Variants in TBC1D5 observed in about 807,000 individuals in gnomAD.
TBC1D5 encodes TBC1 domain family member 5.
Under a neutral mutation model 100.3 loss-of-function variants are expected in TBC1D5, and 75 were observed. The ratio of observed to expected loss-of-function variants is 0.75; its 90% CI spans 0.62 to 0.91. TBC1D5 has a LOEUF of 0.91. Ranked by LOEUF, TBC1D5 falls within the 40% of genes least tolerant of loss-of-function variation. TBC1D5 has a pLI of 0.00. For synonymous variants in TBC1D5, 323 were observed against 325.6 expected, an observed-to-expected ratio of 0.99 and a Z score of 0.09; for missense variants, 910 against 942.4, an observed-to-expected ratio of 0.97 and a Z score of 0.45.
At chr3:17,329,881 A>G (rs1351064321) in intron 13 of TBC1D5, among the ~76,000 whole-genome samples, 1 of 152,204 alleles carries the variant, frequency 6.6e-6, no homozygotes, top group African/African-American at 2.4e-5. Flanking sequence ...TTGATAAAAC[A>G]TAGCATTAAT....
chr3:17,318,344 T>A (rs1486782656), intron 13 of TBC1D5, among the ~76,000 whole-genome samples: 4 of 151,924 alleles, frequency 2.6e-5, no homozygotes, highest in Non-Finnish European at 4.4e-5. Flanking sequence ...AACCTGCACA[T>A]TGTGCACATG....
At chr3:17,258,224 A>C (rs1026184809) in intron 16 of TBC1D5, among the ~76,000 whole-genome samples, 2 of 152,172 alleles carry the variant, frequency 1.3e-5, no homozygotes, top group Non-Finnish European at 2.9e-5. Flanking sequence ...GAGATTATAC[A>C]AGTAGGCACA....
At chr3:17,193,938 A>T (rs1056209231) in intron 18 of TBC1D5, among the ~76,000 whole-genome samples, 6 of 152,238 alleles carry the variant, frequency 3.9e-5, no homozygotes, top group Non-Finnish European at 7.3e-5. Context: ...CTTGCTTTAT[A>T]TGTAGAAAAT....
In TBC1D5 at chr3:17,514,344, T is replaced by A. The variant is rs549312555; in HGVS notation, c.-35-5739A>T. Among the ~76,000 whole-genome samples, 39 of 152,340 alleles carry A rather than the reference T, an allele frequency of 2.6e-4. 1 individual carries two copies. The South Asian group carries it at 6.2e-3, about 24-fold the overall frequency. ...ATAAAAGCATTTGTCTTAATACATG[T>A]CATTCAATATTAAATATCACCCCTT... is the stretch of plus-strand genomic sequence containing the variant. On this transcript the variant is annotated intron_variant, in intron 2 of 21. Coordinates refer to ENST00000253692, the Ensembl canonical transcript of TBC1D5.
chr3:17,329,496 CA>C (rs59179408), intron 13 of TBC1D5, among the ~76,000 whole-genome samples: 1,565 of 150,636 alleles, frequency 0.01, 32 homozygotes, highest in African/African-American at 0.036. Context: ...GGTGGAAACA[CA>C]AAAAAATAAA....
At chr3:17,277,309 T>C (rs2080124444) in intron 15 of TBC1D5, among the ~76,000 whole-genome samples, 1 of 152,226 alleles carries the variant, frequency 6.6e-6, no homozygotes, top group African/African-American at 2.4e-5. Flanking sequence ...ATCACTCTAA[T>C]CCTTTGAACT....
At chr3:17,570,424 T>C (rs1185387214) in intron 2 of TBC1D5, among the ~76,000 whole-genome samples, 1 of 151,954 alleles carries the variant, frequency 6.6e-6, no homozygotes, top group Non-Finnish European at 1.5e-5. Context: ...CACACAACTA[T>C]AACTCAGATC....
intron 16 of TBC1D5, among the ~76,000 whole-genome samples, chr3:17,239,257 G>A (rs550768474): frequency 6.6e-6 from 1 of 152,122 alleles, no homozygotes; most frequent in South Asian, 2.1e-4. Flanking sequence ...CTTTTCACCT[G>A]CCACAATGGA....
intron 2 of TBC1D5, among the ~76,000 whole-genome samples, chr3:17,553,449 T>C (rs2096490310): frequency 6.6e-6 from 1 of 152,122 alleles, no homozygotes; most frequent in Non-Finnish European, 1.5e-5. Flanking sequence ...TTTGTACTAT[T>C]TAACAAAACT....
Position 17,484,250 on chromosome 3 carries a change from G to A in TBC1D5, c.97+24224C>T, listed in dbSNP as rs375969694. 5.9e-5 allele frequency among the ~76,000 whole-genome samples: 9 copies of A among 152,250 alleles called. No individual in the cohort carries two copies. The South Asian group carries it at 1.7e-3, about 28-fold the overall frequency. On this transcript the variant is annotated intron_variant, in intron 3 of 21. Coordinates refer to ENST00000253692, the Ensembl canonical transcript of TBC1D5. Reference sequence around the variant, plus strand: ...ATATGAAACCTGTCACACTCCTGATGTCATAATTAAAACAAACTTAATCAA... The same window carrying A: ...ATATGAAACCTGTCACACTCCTGATATCATAATTAAAACAAACTTAATCAA...
chr3:17,289,198 G>A lies in TBC1D5; in HGVS notation c.1245+2697C>T, dbSNP rs370692355. Among the ~76,000 whole-genome samples the A allele has an allele frequency of 1.4e-4, 22 of 152,288 alleles. No individual in the cohort carries two copies. In the East Asian group the frequency reaches 2.3e-3, roughly 16 times the overall value. ...CACTCAGAACAGCTGGCCAGACCCT[G>A]CACTCGCTTGCCCATGCACCCCCTC... On this transcript the variant is annotated intron_variant, in intron 15 of 21. Coordinates refer to ENST00000253692, the Ensembl canonical transcript of TBC1D5.
chr3:17,438,664 T>G (rs2094581573), intron 3 of TBC1D5, among the ~76,000 whole-genome samples: 1 of 152,216 alleles, frequency 6.6e-6, no homozygotes, highest in African/African-American at 2.4e-5. Flanking sequence ...TCTTGGGTAT[T>G]TCTTCATAGC....
chr3:17,691,260 G>A (rs988693511), intron 1 of TBC1D5, among the ~76,000 whole-genome samples: 2 of 152,188 alleles, frequency 1.3e-5, no homozygotes, highest in East Asian at 1.9e-4. Flanking sequence ...ACCGACCCCC[G>A]ATCCCTGGCA....
upstream of TBC1D5, among the ~76,000 whole-genome samples, chr3:17,741,918 T>C (rs2154011711): frequency 6.7e-6 from 1 of 149,012 alleles, no homozygotes. Flanking sequence ...TCCTCAAAAG[T>C]GAAGTCAAGG....
intron 1 of TBC1D5, among the ~76,000 whole-genome samples, chr3:17,716,612 A>T (rs1358561822): frequency 6.6e-6 from 1 of 152,226 alleles, no homozygotes; most frequent in Non-Finnish European, 1.5e-5. Context: ...AAAGTTGAAA[A>T]GAACCACCTT....
chr3:17,597,246 G>C (rs1347813190), intron 2 of TBC1D5, among the ~76,000 whole-genome samples: 1 of 152,178 alleles, frequency 6.6e-6, no homozygotes, highest in Admixed American at 6.5e-5. Flanking sequence ...GATAGTAAAA[G>C]TTCCTTGAAA....
intron 3 of TBC1D5, among the ~76,000 whole-genome samples, chr3:17,464,957 C>T (rs536776843): frequency 1.8e-4 from 27 of 151,786 alleles, no homozygotes; most frequent in Middle Eastern, 3.4e-3. Context: ...GTGATGTTGC[C>T]GCACTAGATA....
At chr3:17,611,387 GAA>G (rs1178787146) in intron 2 of TBC1D5, among the ~76,000 whole-genome samples, 2 of 152,118 alleles carry the variant, frequency 1.3e-5, no homozygotes, top group Non-Finnish European at 2.9e-5. Context: ...GAGTTTAAAA[GAA>G]GAGAGAATGG....
chr3:17,538,580 C>T (rs1254271315), intron 2 of TBC1D5, among the ~76,000 whole-genome samples: 1 of 152,192 alleles, frequency 6.6e-6, no homozygotes, highest in Non-Finnish European at 1.5e-5. Context: ...CTAAAACTTG[C>T]CTCAGTCTCT....
Sources: allele counts gnomAD v4.1 joint callset (sites outside exome capture counted in the v4.1 genomes callset), GRCh38; gene constraint gnomAD v4.1.1; transcripts MANE v1.5; gene names NCBI Gene and HGNC (gene_info 2026-07-23, HGNC 2026-07-21).